The following CCDC148 variants were observed in gnomAD, a reference collection of about 807,000 sequenced individuals.
CCDC148 encodes the protein coiled-coil domain-containing protein 148.
Under a neutral mutation model 85.7 loss-of-function variants are expected in CCDC148, and 89 were observed. The ratio of observed to expected loss-of-function variants is 1.04; its 90% CI spans 0.87 to 1.24. The LOEUF is 1.24. Among genes scored for constraint, CCDC148 ranks in the 50% most tolerant of loss-of-function variants. CCDC148 has a pLI of 0.00. For missense variants in CCDC148, 692 were observed against 671.7 expected (o/e 1.03, Z -0.33); for synonymous variants, 230 against 213.9 (o/e 1.08, Z -0.66).
At chr2:158,343,598 T>C (rs10208772) in intron 3 of CCDC148, among the ~76,000 whole-genome samples, 25,784 of 152,122 alleles carry the variant, frequency 0.17, 3,488 homozygotes, top group African/African-American at 0.38. Context: ...CTGCCTGAGA[T>C]TCTTAAATGT....
intron 1 of CCDC148, among the ~76,000 whole-genome samples, chr2:158,372,655 AT>A (rs1684495848): frequency 6.6e-6 from 1 of 151,938 alleles, no homozygotes; most frequent in Non-Finnish European, 1.5e-5. Context: ...CACTCCTTCC[AT>A]ATCCTATATG....
intron 9 of CCDC148, among the ~76,000 whole-genome samples, chr2:158,295,026 T>A (rs899863738): frequency 2.0e-5 from 3 of 152,156 alleles, no homozygotes; most frequent in Non-Finnish European, 4.4e-5. Context: ...GTATTGAACA[T>A]CTTTTCTTGT....
chr2:158,211,330 G>C (rs916245364), intron 11 of CCDC148, among the ~76,000 whole-genome samples: 3 of 152,180 alleles, frequency 2.0e-5, no homozygotes, highest in Non-Finnish European at 4.4e-5. Flanking sequence ...ACAGCACCTA[G>C]ATGTTCTATT....
chr2:158,216,478 C>A (rs186909250), intron 11 of CCDC148, among the ~76,000 whole-genome samples: 1 of 148,188 alleles, frequency 6.7e-6, no homozygotes, highest in Non-Finnish European at 1.5e-5. Context: ...CTCACTGCAA[C>A]CTCCGCCTCC....
chr2:158,222,838 G>A (rs1687260167), intron 10 of CCDC148, among the ~76,000 whole-genome samples: 1 of 152,166 alleles, frequency 6.6e-6, no homozygotes, highest in African/African-American at 2.4e-5. Context: ...TACTTGGAGT[G>A]GAGCCAAGAT....
intron 1 of CCDC148, among the ~76,000 whole-genome samples, chr2:158,417,630 C>T (rs1242716778): frequency 1.3e-5 from 2 of 152,208 alleles, no homozygotes; most frequent in East Asian, 1.9e-4. Flanking sequence ...AGATGCCAGA[C>T]CTGCCTTGTG....
rs77856447 is a variant in CCDC148, at chr2:158,319,654, G to T, written c.765-5760C>A. On this transcript the variant is annotated intron_variant, in intron 7 of 13. Transcript: ENST00000283233. ...TATGTAAGTTACTTTGAGTTGGATTGGGTATTCTCTTATAGCTAAAGATAA... is the reference window on the plus strand; with the variant it reads ...TATGTAAGTTACTTTGAGTTGGATTTGGTATTCTCTTATAGCTAAAGATAA... Among the ~76,000 whole-genome samples the T allele has an allele frequency of 7.4e-3, 1,125 of 152,276 alleles. 20 individuals are homozygous for T. The highest frequency in any genetic ancestry group is 0.026 in the African/African-American group (1,073 of 41,546).
intron 1 of CCDC148, chr2:158,366,172 G>T: frequency 1.2e-6 from 1 of 859,184 alleles, no homozygotes; most frequent in Non-Finnish European, 1.7e-6. Flanking sequence ...GTAAGACCCA[G>T]GACTGGGTGC....
intron 9 of CCDC148, among the ~76,000 whole-genome samples, chr2:158,303,878 A>C (rs1018637889): frequency 2.6e-5 from 4 of 152,188 alleles, no homozygotes; most frequent in Admixed American, 2.6e-4. Flanking sequence ...TAGATTTGTC[A>C]TTGAAGAGAA....
chr2:158,359,038 G>T (rs898392777), intron 1 of CCDC148, among the ~76,000 whole-genome samples: 1 of 151,866 alleles, frequency 6.6e-6, no homozygotes, highest in Non-Finnish European at 1.5e-5. Flanking sequence ...TTGAAAAAAC[G>T]GTTGAAACTG....
At chr2:158,298,304 G>C (rs1030860438) in intron 9 of CCDC148, among the ~76,000 whole-genome samples, 1 of 151,792 alleles carries the variant, frequency 6.6e-6, no homozygotes, top group Non-Finnish European at 1.5e-5. Context: ...TCAGGAGTTT[G>C]ACTGTCAAGT....
chr2:158,244,655 T>G (rs4664943), intron 10 of CCDC148, among the ~76,000 whole-genome samples: 148,457 of 152,118 alleles, frequency 0.98, 72,541 homozygotes, highest in East Asian at 1. Flanking sequence ...CCCAGTCTGC[T>G]ATCACTCTGC....
intron 3 of CCDC148, among the ~76,000 whole-genome samples, chr2:158,341,333 G>A (rs532440411): frequency 7.0e-6 from 1 of 142,170 alleles, no homozygotes; most frequent in East Asian, 2.1e-4. Flanking sequence ...TTTGGACTGA[G>A]TCTCGCTTGA....
intron 11 of CCDC148, among the ~76,000 whole-genome samples, chr2:158,185,582 G>T (rs1488907641): frequency 6.6e-6 from 1 of 152,202 alleles, no homozygotes; most frequent in East Asian, 1.9e-4. Flanking sequence ...GGAAGTGAGA[G>T]ATACAAACAA....
chr2:158,411,162 G>C (rs1306725640), intron 1 of CCDC148, among the ~76,000 whole-genome samples: 1 of 152,078 alleles, frequency 6.6e-6, no homozygotes, highest in Non-Finnish European at 1.5e-5. Context: ...CCTCAGAGTA[G>C]ACCTCTTTAT....
At chr2:158,237,799 C>A (rs560605214) in intron 10 of CCDC148, among the ~76,000 whole-genome samples, 4 of 152,156 alleles carry the variant, frequency 2.6e-5, no homozygotes, top group African/African-American at 9.6e-5. Flanking sequence ...GGACTGACCC[C>A]CACCCTGCCA....
intron 1 of CCDC148, among the ~76,000 whole-genome samples, chr2:158,452,133 A>G (rs2193703): frequency 0.38 from 58,036 of 152,110 alleles, 12,353 homozygotes; most frequent in East Asian, 0.66. Context: ...TTACATATGT[A>G]CACAAAGCCT....
chr2:158,239,567 T>TAAG (rs1553486669), intron 10 of CCDC148, among the ~76,000 whole-genome samples: 4 of 151,630 alleles, frequency 2.6e-5, no homozygotes, highest in Non-Finnish European at 5.9e-5. Flanking sequence ...AGAAGGTTAA[T>TAAG]TTAATTTAAA....
At chr2:158,409,165 G>T (rs1686152029) in intron 1 of CCDC148, among the ~76,000 whole-genome samples, 1 of 152,170 alleles carries the variant, frequency 6.6e-6, no homozygotes, top group African/African-American at 2.4e-5. Context: ...GAAACATGGG[G>T]TCAGAGCCCC....
Sources: gnomAD v4.1 joint callset for allele counts (sites outside exome capture counted in the v4.1 genomes callset) on GRCh38, gnomAD v4.1.1 for gene constraint, MANE v1.5 for transcripts, NCBI Gene and HGNC (gene_info 2026-07-23, HGNC 2026-07-21) for gene names.